Variants in LTAP1 observed in about 807,000 individuals in gnomAD.
LTAP1 encodes HCV NS5A-transactivated protein 4.
the LTAP1 span, chr1:154,214,031 A>G: frequency 8.0e-7 from 1 of 1,250,424 alleles, no homozygotes; most frequent in Non-Finnish European, 1.1e-6. Context: ...TAATCCCAAC[A>G]CTTTGGGAGG....
the LTAP1 span, among the ~76,000 whole-genome samples, chr1:154,215,090 C>T: frequency 2.0e-5 from 3 of 152,068 alleles, no homozygotes; most frequent in African/African-American, 7.2e-5. Context: ...AGTGATCCGC[C>T]TGCCTTGGCC....
chr1:154,215,261 T>C, the LTAP1 span, among the ~76,000 whole-genome samples: 1 of 151,652 alleles, frequency 6.6e-6, no homozygotes, highest in African/African-American at 2.4e-5. Flanking sequence ...ATTCATGGTA[T>C]ACAAATTTTA....
At chr1:154,208,995 G>A in the LTAP1 span, among the ~76,000 whole-genome samples, 9 of 152,238 alleles carry the variant, frequency 5.9e-5, no homozygotes, top group Non-Finnish European at 1.0e-4. Context: ...TGATCCACCC[G>A]CCTCAGCCTC....
At chr1:154,209,481 A>G in the LTAP1 span, among the ~76,000 whole-genome samples, 1 of 142,758 alleles carries the variant, frequency 7.0e-6, no homozygotes, top group Admixed American at 7.4e-5. Context: ...GTTAGAGGGC[A>G]GTGGCATGAT....
chr1:154,220,462 C>T, the LTAP1 span: 14 of 1,608,082 alleles, frequency 8.7e-6, no homozygotes, highest in South Asian at 8.8e-5. Context: ...CCTGGCTGGT[C>T]AGCCCAGGCT....
the LTAP1 span, chr1:154,214,449 C>A: frequency 3.2e-6 from 5 of 1,580,498 alleles, no homozygotes; most frequent in Non-Finnish European, 4.3e-6. Flanking sequence ...CAAGAGCTTG[C>A]CACATACTTT....
At chr1:154,219,748 T>TA in the LTAP1 span, 6 of 964,690 alleles carry the variant, frequency 6.2e-6, no homozygotes, top group Admixed American at 8.1e-5. Context: ...ACATGAGAAT[T>TA]AAAGTCATCA....
the LTAP1 span, chr1:154,207,743 T>C: frequency 3.9e-6 from 4 of 1,021,534 alleles, no homozygotes; most frequent in Non-Finnish European, 5.8e-6. Context: ...TAGTCACAAA[T>C]AGTTATTTGT....
At chr1:154,216,953 A>AT in the LTAP1 span, among the ~76,000 whole-genome samples, 1,287 of 142,970 alleles carry the variant, frequency 9.0e-3, 4 homozygotes, top group African/African-American at 0.017. Flanking sequence ...CTGGCCTTAA[A>AT]TTTTTTTTTT....
At chr1:154,211,324 C>CTTTTTTT in the LTAP1 span, among the ~76,000 whole-genome samples, 79 of 34,044 alleles carry the variant, frequency 2.3e-3, 3 homozygotes, top group East Asian at 5.6e-3. Context: ...TTATTTAATT[C>CTTTTTTT]TTTTTTTTTT....
At chr1:154,220,452 C>G in the LTAP1 span, 2 of 1,611,738 alleles carry the variant, frequency 1.2e-6, no homozygotes, top group Non-Finnish European at 1.7e-6. Flanking sequence ...ACCCCGCTGT[C>G]CTGGCTGGTC....
the LTAP1 span, among the ~76,000 whole-genome samples, chr1:154,208,182 G>C: frequency 6.6e-6 from 1 of 151,950 alleles, no homozygotes; most frequent in South Asian, 2.1e-4. Flanking sequence ...GCCAGAGATC[G>C]CTTGAGCCCA....
At chr1:154,220,204 C>A in the LTAP1 span, 1 of 1,084,784 alleles carries the variant, frequency 9.2e-7, no homozygotes, top group Non-Finnish European at 1.4e-6. Context: ...TAAACTCCCA[C>A]CTACTCCTGG....
chr1:154,210,621 G>A, the LTAP1 span, among the ~76,000 whole-genome samples: 2 of 152,136 alleles, frequency 1.3e-5, no homozygotes, highest in South Asian at 4.2e-4. Context: ...GGCATTACAG[G>A]TGCGCACATC....
At chr1:154,213,974 A>C in the LTAP1 span, 2 of 1,604,294 alleles carry the variant, frequency 1.2e-6, no homozygotes, top group Middle Eastern at 1.7e-4. Flanking sequence ...GGTGTTAGGC[A>C]TAACCCTAAA....
chr1:154,219,769 A>C, the LTAP1 span: 4 of 1,164,968 alleles, frequency 3.4e-6, no homozygotes, highest in Non-Finnish European at 3.7e-6. Flanking sequence ...CTAAAGGCAG[A>C]GGAAATCTCA....
At chr1:154,220,216 A>C in the LTAP1 span, 1 of 1,159,764 alleles carries the variant, frequency 8.6e-7, no homozygotes, top group South Asian at 1.3e-5. Context: ...TACTCCTGGA[A>C]TAAGGAGTCA....
chr1:154,211,673 C>T, the LTAP1 span: 1 of 151,664 alleles, frequency 6.6e-6, no homozygotes, highest in Non-Finnish European at 1.5e-5. Flanking sequence ...GGCCAAGACA[C>T]AAAAGGGACG....
chr1:154,218,945 C>G, the LTAP1 span, among the ~76,000 whole-genome samples: 2 of 152,086 alleles, frequency 1.3e-5, no homozygotes, highest in African/African-American at 4.8e-5. Context: ...AACATTTAAG[C>G]TAAGATCAAA....
Sources: allele counts gnomAD v4.1 joint callset (sites outside exome capture counted in the v4.1 genomes callset), GRCh38; gene constraint gnomAD v4.1.1; transcripts MANE v1.5; gene names NCBI Gene and HGNC (gene_info 2026-07-23, HGNC 2026-07-21).